Variants in SLAIN1 observed in about 807,000 individuals in gnomAD.
SLAIN1 encodes SLAIN motif-containing protein 1.
Under a neutral mutation model 55.4 loss-of-function variants are expected in SLAIN1, and 17 were observed. The ratio of observed to expected loss-of-function variants is 0.31; its 90% CI spans 0.21 to 0.46. SLAIN1 has a LOEUF of 0.46. Ranked by LOEUF, SLAIN1 falls within the 20% of genes least tolerant of loss-of-function variation. The pLI is 1.00. For synonymous variants in SLAIN1, 348 were observed against 337.4 expected, an observed-to-expected ratio of 1.03 and a Z score of -0.35; for missense variants, 682 against 785.1, an observed-to-expected ratio of 0.87 and a Z score of 1.57.
chr13:77,738,057 G>C (rs78898717), intron 2 of SLAIN1, among the ~76,000 whole-genome samples: 8,388 of 152,096 alleles, frequency 0.055, 308 homozygotes, highest in South Asian at 0.11. Flanking sequence ...GTGTGTATCT[G>C]TGGAAGATAT....
At chr13:77,746,228 G>T (rs1031701479) in intron 3 of SLAIN1, among the ~76,000 whole-genome samples, 2 of 152,062 alleles carry the variant, frequency 1.3e-5, no homozygotes, top group South Asian at 2.1e-4. Flanking sequence ...ATTTGAAAAG[G>T]GGAAATTGAT....
intron 1 of SLAIN1, among the ~76,000 whole-genome samples, chr13:77,706,103 A>G (rs1471867777): frequency 1.3e-5 from 2 of 152,130 alleles, no homozygotes; most frequent in East Asian, 1.9e-4. Context: ...TCACATAGGC[A>G]TCACTTTATA....
chr13:77,721,160 G>A (rs1329483924), intron 2 of SLAIN1, among the ~76,000 whole-genome samples: 2 of 152,142 alleles, frequency 1.3e-5, no homozygotes, highest in African/African-American at 4.8e-5. Context: ...CCCCCATGCT[G>A]TTCTCATGAT....
intron 2 of SLAIN1, among the ~76,000 whole-genome samples, chr13:77,738,744 C>T (rs1873262218): frequency 6.6e-6 from 1 of 152,064 alleles, no homozygotes; most frequent in Admixed American, 6.6e-5. Flanking sequence ...CCTGTTAGAA[C>T]TCACTAGAAA....
At position 77,753,224 on chromosome 13, in the gene SLAIN1, C is replaced by G; in HGVS notation, c.1280C>G (p.Pro427Arg). ...TNGDKLRRSM[P>R]NLARMPSTTA... Reference sequence around the variant, plus strand: ...CCAGATAAGCTCCGAAGAAGTATGCCTAACCTAGCCCGGATGCCAAGTACA... The same window carrying G: ...CCAGATAAGCTCCGAAGAAGTATGCGTAACCTAGCCCGGATGCCAAGTACA... Residue 427 changes from proline to arginine, a missense_variant, in exon 5 of 7, where the codon CCT (proline) becomes CGT (arginine). Around this residue, in one of 3 missense-constraint regions of SLAIN1, gnomAD observed 244 missense variants for 295.2 expected, o/e 0.83. Transcript: ENST00000418532. The G allele has an allele frequency of 6.2e-7, 1 of 1,607,480 alleles. No individual in the cohort carries two copies. The highest frequency in any genetic ancestry group is 2.2e-5 in the East Asian group (1 of 44,728).
chr13:77,717,828 G>A (rs753169761), intron 1 of SLAIN1, among the ~76,000 whole-genome samples: 1 of 152,170 alleles, frequency 6.6e-6, no homozygotes, highest in Non-Finnish European at 1.5e-5. Flanking sequence ...TTTAAGGGGT[G>A]TGGTTTAGCA....
chr13:77,704,304 T>C (rs2154409269), intron 1 of SLAIN1, among the ~76,000 whole-genome samples: 1 of 141,630 alleles, frequency 7.1e-6, no homozygotes, highest in Non-Finnish European at 1.5e-5. Context: ...TATATGTATA[T>C]ATACATAGAA....
At chr13:77,707,936 T>G (rs187226468) in intron 1 of SLAIN1, among the ~76,000 whole-genome samples, 2 of 152,258 alleles carry the variant, frequency 1.3e-5, no homozygotes, top group East Asian at 3.9e-4. Flanking sequence ...CTGGCTGTAT[T>G]GGAGGGGATT....
At position 77,698,045 on chromosome 13, in the gene SLAIN1, GC is replaced by G; in HGVS notation, c.133del (p.Gln45SerfsTer154). 7.1e-7 allele frequency: 1 copy of G among 1,405,970 alleles called. No homozygotes were observed. Among genetic ancestry groups the G allele is most frequent in the Non-Finnish European group, 9.4e-7 (1 of 1,065,520 alleles). 87.1% of individuals were successfully genotyped at this position (1,405,970 alleles called of 1,614,324 possible). A position where few individuals can be genotyped will look rare whatever the true frequency, so the allele number is the denominator to read the frequency against. ...TGCGCAAGCTGGAGAAGCAGAACGA[GC>G]AGCTGCGGAGTCGAGCGGCCAGCGC... ...LVRKLEKQNE[Q>X]LRSRAASAAA... On this transcript the variant is annotated frameshift_variant, in exon 1 of 7. Coordinates refer to ENST00000418532, the MANE Select transcript of SLAIN1 (RefSeq NM_001242868.2). LOFTEE classifies it high-confidence loss of function. This position sits in a 1 kb window ranked among gnomAD's most constrained non-coding sequence, Gnocchi z 4.1.
At chr13:77,759,647 T>C (rs1349565186) in intron 5 of SLAIN1, among the ~76,000 whole-genome samples, 2 of 152,176 alleles carry the variant, frequency 1.3e-5, no homozygotes, top group African/African-American at 2.4e-5. Context: ...GTTTTTATCA[T>C]AAAGGGATGC....
intron 2 of SLAIN1, among the ~76,000 whole-genome samples, chr13:77,737,134 G>C (rs1235908048): frequency 1.3e-5 from 2 of 151,594 alleles, no homozygotes; most frequent in Non-Finnish European, 2.9e-5. Flanking sequence ...TGCTCTCCAT[G>C]TGCGATGGCA....
intron 2 of SLAIN1, among the ~76,000 whole-genome samples, chr13:77,738,123 G>A (rs1206398114): frequency 6.6e-6 from 1 of 151,878 alleles, no homozygotes; most frequent in East Asian, 1.9e-4. Flanking sequence ...GTTGCCAAAT[G>A]TTGATTAAAG....
chr13:77,722,198 T>C (rs1178543531), intron 2 of SLAIN1, among the ~76,000 whole-genome samples: 1 of 151,968 alleles, frequency 6.6e-6, no homozygotes, highest in East Asian at 1.9e-4. Context: ...GAGAACGAGT[T>C]TTTCAAAACC....
chr13:77,729,901 CTGTG>C (rs146215187), intron 2 of SLAIN1, among the ~76,000 whole-genome samples: 1 of 150,504 alleles, frequency 6.6e-6, no homozygotes, highest in African/African-American at 2.4e-5. Context: ...GCCAGTAACT[CTGTG>C]TGTGTGTGTG....
chr13:77,743,768 T>C (rs1406149890), intron 2 of SLAIN1, among the ~76,000 whole-genome samples: 3 of 152,072 alleles, frequency 2.0e-5, no homozygotes, highest in Non-Finnish European at 2.9e-5. Context: ...TGCATATGTA[T>C]GTGTGCCTTT....
rs201380414 is a variant in SLAIN1, at chr13:77,698,132, T to TGG, written c.220_221dup (p.Leu75AlafsTer125). 1,137,810 of 1,137,844 alleles carry TGG rather than the reference T, an allele frequency of 1. 568,888 individuals carry two copies. Among genetic ancestry groups the TGG allele is most frequent in the African/African-American group, 1 (60,432 of 60,432 alleles). 70.5% of individuals were successfully genotyped at this position (1,137,844 alleles called of 1,614,324 possible). Reference sequence around the variant, plus strand: ...CGCCGCCCGCCGCGCCGCCCCCCGCTGGCCTGCAGCCTTTGGGTCCTCGGA... The same window carrying TGG: ...CGCCGCCCGCCGCGCCGCCCCCCGCTGGGGCCTGCAGCCTTTGGGTCCTCGGA... On this transcript the variant is annotated frameshift_variant, in exon 1 of 7. Transcript: ENST00000418532. LOFTEE classifies it high-confidence loss of function. This position sits in a 1 kb window ranked among gnomAD's most constrained non-coding sequence, Gnocchi z 4.1.
chr13:77,707,610 G>C (rs1398197663), intron 1 of SLAIN1, among the ~76,000 whole-genome samples: 3 of 152,130 alleles, frequency 2.0e-5, no homozygotes, highest in Non-Finnish European at 4.4e-5. Context: ...CAGTTTACTA[G>C]TGATTGGATG....
chr13:77,738,779 C>T (rs1309585957), intron 2 of SLAIN1, among the ~76,000 whole-genome samples: 1 of 152,068 alleles, frequency 6.6e-6, no homozygotes, highest in Non-Finnish European at 1.5e-5. Flanking sequence ...ACCTCCAGGG[C>T]TTCCTCACCT....
intron 2 of SLAIN1, among the ~76,000 whole-genome samples, chr13:77,725,917 T>C (rs2091303278): frequency 1.3e-5 from 2 of 152,234 alleles, no homozygotes; most frequent in Admixed American, 1.3e-4. Context: ...TGTCTCTAAC[T>C]GCACAATTGC....
Sources: allele counts gnomAD v4.1 joint callset (sites outside exome capture counted in the v4.1 genomes callset), GRCh38; gene constraint gnomAD v4.1.1; regional missense constraint gnomAD v4.1.1; non-coding constraint Gnocchi (gnomAD v3.1); transcripts MANE v1.5; gene names NCBI Gene and HGNC (gene_info 2026-07-23, HGNC 2026-07-21).